MYO7A: variants seen among roughly 807,000 people sequenced by gnomAD.
MYO7A encodes unconventional myosin-VIIa.
Under a neutral mutation model 263.8 loss-of-function variants are expected in MYO7A, and 210 were observed. The ratio of observed to expected loss-of-function variants is 0.80; its 90% CI spans 0.71 to 0.89. MYO7A has a LOEUF of 0.89. Ranked by LOEUF, MYO7A falls within the 40% of genes least tolerant of loss-of-function variation. The pLI is 0.00. For synonymous variants in MYO7A, 1,239 were observed against 1,197.3 expected (o/e 1.03, Z -0.72); for missense variants, 2,820 against 2,968.3 (o/e 0.95, Z 1.16).
intron 4 of MYO7A, among the ~76,000 whole-genome samples, chr11:77,151,474 C>T (rs1334527079): frequency 3.3e-5 from 5 of 152,132 alleles, no homozygotes; most frequent in South Asian, 2.1e-4. Flanking sequence ...TCCCCAGAGC[C>T]GACAGGCCTG....
At chr11:77,185,953 C>T (rs1281542786) in intron 27 of MYO7A, among the ~76,000 whole-genome samples, 3 of 145,932 alleles carry the variant, frequency 2.1e-5, no homozygotes, top group East Asian at 4.0e-4. Context: ...GACAGAGTCT[C>T]ACTCTGTTGC....
chr11:77,189,577 C>T, intron 28 of MYO7A, 107 bp downstream of exon 28: 2 of 1,487,648 alleles, frequency 1.3e-6, no homozygotes, highest in Admixed American at 1.9e-5. Context: ...TCACAAGGCC[C>T]ACCCGGCCAC....
chr11:77,189,199 C>T, intron 27 of MYO7A, 145 bp from the exon 28 acceptor site: 2 of 1,216,386 alleles, frequency 1.6e-6, no homozygotes, highest in Non-Finnish European at 2.3e-6. Context: ...GCCCTGCCAC[C>T]CAGCCTCACT....
At chr11:77,167,585 G>T (rs1049262771) in intron 15 of MYO7A, among the ~76,000 whole-genome samples, 13 of 152,166 alleles carry the variant, frequency 8.5e-5, no homozygotes, top group African/African-American at 2.9e-4. Context: ...TGGCTCCCAC[G>T]GTGCTCTAGA....
In MYO7A at chr11:77,201,434, C is replaced by T. The variant is rs371010959; in HGVS notation, c.4853-14C>T. The T allele has an allele frequency of 6.2e-7, 1 of 1,611,026 alleles. No individual in the cohort carries two copies. The highest frequency in any genetic ancestry group is 8.5e-7 in the Non-Finnish European group (1 of 1,178,578). Reference sequence around the variant, plus strand: ...GTCTCTGCCCCCATGGTCCCACTCACCTCTGCTCTACAGCAGGCGAGGAGT... The same window carrying T: ...GTCTCTGCCCCCATGGTCCCACTCATCTCTGCTCTACAGCAGGCGAGGAGT... On this transcript the variant is annotated splice_polypyrimidine_tract_variant and intron_variant, in intron 35 of 48. Coordinates refer to ENST00000409709, the MANE Select transcript of MYO7A (RefSeq NM_000260.4).
chr11:77,207,472 G>A lies in MYO7A; in HGVS notation c.5856+70G>A, dbSNP rs1033432728. 1.4e-5 allele frequency: 16 copies of A among 1,107,116 alleles called. 2 individuals are homozygous for A. Among genetic ancestry groups the A allele is most frequent in the South Asian group, 1.2e-4 (9 of 75,102 alleles). The allele number at this position is 1,107,116 out of a possible 1,614,324, so 68.6% of individuals were successfully genotyped here. A position where few individuals can be genotyped will look rare whatever the true frequency, so the allele number is the denominator to read the frequency against. On this transcript the variant is annotated intron_variant, in intron 42 of 48. Transcript: ENST00000409709. ...CCATAGGAACTTACGGACAGCAGAC[G>A]GAAGAGAGAGGAACTGGGGGAGAGA...
chr11:77,176,830 GC>G (rs1954689588), intron 18 of MYO7A, among the ~76,000 whole-genome samples: 1 of 152,190 alleles, frequency 6.6e-6, no homozygotes, highest in South Asian at 2.1e-4. Flanking sequence ...CATTGTGGCA[GC>G]CCCTCCCCTC....
intron 2 of MYO7A, among the ~76,000 whole-genome samples, chr11:77,131,370 C>T (rs1555046002): frequency 6.6e-6 from 1 of 152,216 alleles, no homozygotes; most frequent in African/African-American, 2.4e-5. Flanking sequence ...TGCCTGGCCA[C>T]CCTGAGGCTG....
Position 77,180,444 on chromosome 11 carries a change from C to A in MYO7A, c.2657C>A (p.Ala886Asp), listed in dbSNP as rs782437303. ...EEEKLRKEMS[A>D]KKAKEEAERK... ...GAGAAGCTTCGGAAGGAGATGAGCG[C>A]CAAGAAGGCCAAGGAGGAGGCCGAG... Residue 886 changes from alanine to aspartate, a missense_variant, in exon 22 of 49, where the codon GCC (alanine) becomes GAC (aspartate). Coordinates refer to ENST00000409709, the MANE Select transcript of MYO7A (RefSeq NM_000260.4). 6.2e-7 allele frequency: 1 copy of A among 1,612,432 alleles called. No homozygotes were observed. Among genetic ancestry groups the A allele is most frequent in the Non-Finnish European group, 8.5e-7 (1 of 1,179,794 alleles).
chr11:77,175,556 G>A (rs1297176217), intron 18 of MYO7A, 92 bp downstream of exon 18: 3 of 1,193,572 alleles, frequency 2.5e-6, no homozygotes, highest in Admixed American at 3.4e-5. Flanking sequence ...GGCAGTGCTG[G>A]GGCTTTGAGA....
rs376637327 is a variant in MYO7A, at chr11:77,175,483, C to T, written c.2187+19C>T. ...TCTGAAGGTGAGCACAGATGCCTTC[C>T]CTGGGCTGCCCTGGGGGGGCTGTAA... is the stretch of plus-strand genomic sequence containing the variant. On this transcript the variant is annotated intron_variant, in intron 18 of 48. Transcript: ENST00000409709. 4.0e-5 allele frequency: 64 copies of T among 1,607,920 alleles called. No individual in the cohort carries two copies. The highest frequency in any genetic ancestry group is 4.9e-5 in the Non-Finnish European group (58 of 1,176,024).
At chr11:77,144,154 C>T (rs925407238) in intron 3 of MYO7A, among the ~76,000 whole-genome samples, 2 of 152,120 alleles carry the variant, frequency 1.3e-5, no homozygotes, top group Admixed American at 6.5e-5. Context: ...TCAGCGGCGA[C>T]TTTGGAGCTC....
chr11:77,210,539 C>T (rs1182389825), intron 44 of MYO7A, among the ~76,000 whole-genome samples: 1 of 152,140 alleles, frequency 6.6e-6, no homozygotes, highest in East Asian at 1.9e-4. Flanking sequence ...GACAATGTAT[C>T]CTCAGGCCAG....
intron 22 of MYO7A, among the ~76,000 whole-genome samples, chr11:77,181,048 G>T (rs1409482144): frequency 6.6e-6 from 1 of 152,180 alleles, no homozygotes; most frequent in Admixed American, 6.5e-5. Flanking sequence ...TATATGGGTG[G>T]CTCACATTGT....
intron 48 of MYO7A, 108 bp from the exon 49 acceptor site, chr11:77,214,499 C>T (rs1958039431): frequency 2.4e-6 from 2 of 829,974 alleles, no homozygotes; most frequent in East Asian, 2.7e-5. Context: ...AGGGATTTGC[C>T]TTTGTCCTGG....
rs1178195020 is a variant in MYO7A, at chr11:77,192,960, TG to T, written c.4152+684del. On this transcript the variant is annotated intron_variant, in intron 31 of 48. Coordinates refer to ENST00000409709, the MANE Select transcript of MYO7A (RefSeq NM_000260.4). ...GTGATGGTGGAGGTAGTGATGGTGT[TG>T]GTGATGGTGGAGGTAGTTGTGATGG... 4.7e-3 allele frequency among the ~76,000 whole-genome samples: 151 copies of T among 32,416 alleles called. 9 individuals carry two copies. The highest frequency in any genetic ancestry group is 0.014 in the African/African-American group (95 of 6,658). The allele number at this position is 32,416 out of a possible 152,430, so 21.3% of individuals were successfully genotyped here. A position where few individuals can be genotyped will look rare whatever the true frequency, so the allele number is the denominator to read the frequency against.
In MYO7A at chr11:77,157,298, A is replaced by T; in HGVS notation, c.755A>T (p.Tyr252Phe). The T allele has an allele frequency of 6.2e-7, 1 of 1,611,206 alleles. No individual in the cohort carries two copies. Among genetic ancestry groups the T allele is most frequent in the Non-Finnish European group, 8.5e-7 (1 of 1,178,672 alleles). ...TTTCAGGCCCTGGATGAAAGGAACT[A>T]CCACGTGTTCTACTGCATGCTGGAG... ...VCRQALDERN[Y>F]HVFYCMLEGM... is the part of the protein sequence containing the mutation. The change falls in exon 8 of 49, where the codon TAC (tyrosine) becomes TTC (phenylalanine). Residue 252 changes from tyrosine to phenylalanine, a missense_variant. Tyr to Phe is a conservative substitution (Grantham distance 22). Transcript: ENST00000409709.
intron 18 of MYO7A, 54 bp downstream of exon 18, chr11:77,175,518 A>T (rs1453626372): frequency 2.0e-6 from 3 of 1,534,208 alleles, no homozygotes; most frequent in Non-Finnish European, 2.7e-6. Context: ...AATTCCCATG[A>T]TGTGGGCTGG....
chr11:77,163,252 T>A (rs952642352), intron 14 of MYO7A, among the ~76,000 whole-genome samples: 1 of 152,118 alleles, frequency 6.6e-6, no homozygotes, highest in Non-Finnish European at 1.5e-5. Flanking sequence ...CATGGGGCAG[T>A]AACTCCTTCC....
Sources: gnomAD v4.1 joint callset for allele counts (sites outside exome capture counted in the v4.1 genomes callset) on GRCh38, gnomAD v4.1.1 for gene constraint, MANE v1.5 for transcripts, NCBI Gene and HGNC (gene_info 2026-07-23, HGNC 2026-07-21) for gene names.